COMMD1: variants seen among roughly 807,000 people sequenced by gnomAD.
The protein encoded by COMMD1 is COMM domain-containing protein 1.
In COMMD1, 10 loss-of-function variants were observed where a neutral mutation model predicts 17.2. The ratio of observed to expected loss-of-function variants is 0.58; its 90% CI spans 0.36 to 0.99. COMMD1 has a LOEUF of 0.99. Ranked by LOEUF, COMMD1 falls within the 50% of genes least tolerant of loss-of-function variation. The probability of loss-of-function intolerance (pLI) is 0.01; values close to 1 mark genes in which losing one functional copy is unlikely to be tolerated. For missense variants in COMMD1, 270 were observed against 231.8 expected, an observed-to-expected ratio of 1.17 and a Z score of -1.07; for synonymous variants, 97 against 91.6, an observed-to-expected ratio of 1.06 and a Z score of -0.34.
At chr2:62,058,094 TA>T (rs1270214105) in intron 2 of COMMD1, among the ~76,000 whole-genome samples, 1 of 152,230 alleles carries the variant, frequency 6.6e-6, no homozygotes, top group Admixed American at 6.5e-5. Context: ...AAGTTTACAA[TA>T]AATCTTTTGA....
intron 2 of COMMD1, among the ~76,000 whole-genome samples, chr2:62,036,451 G>A (rs1294412623): frequency 1.3e-5 from 2 of 152,158 alleles, no homozygotes; most frequent in Non-Finnish European, 2.9e-5. Flanking sequence ...CCAGTTTGCT[G>A]TTCTTTTTGA....
chr2:61,956,122 A>G (rs900965469), intron 1 of COMMD1, among the ~76,000 whole-genome samples: 4 of 152,242 alleles, frequency 2.6e-5, no homozygotes, highest in African/African-American at 7.2e-5. Flanking sequence ...GAAAATGTCT[A>G]GAAAGGTTCC....
chr2:61,942,082 C>A (rs989970822), intron 1 of COMMD1, among the ~76,000 whole-genome samples: 1 of 152,108 alleles, frequency 6.6e-6, no homozygotes, highest in Non-Finnish European at 1.5e-5. Flanking sequence ...TTTACATTTT[C>A]TTCAGCAAAA....
chr2:61,894,363 A>G (rs1669506307), intron 1 of COMMD1, among the ~76,000 whole-genome samples: 3 of 152,008 alleles, frequency 2.0e-5, no homozygotes, highest in African/African-American at 4.8e-5. Flanking sequence ...TGGCCTCCCA[A>G]AGTGTTGGGA....
intron 1 of COMMD1, among the ~76,000 whole-genome samples, chr2:61,968,241 G>A (rs1045681788): frequency 3.9e-5 from 6 of 152,084 alleles, no homozygotes; most frequent in Admixed American, 3.9e-4. Context: ...ATTTAGTAAG[G>A]TTGAACCATT....
intron 1 of COMMD1, among the ~76,000 whole-genome samples, chr2:61,991,098 A>G (rs1294088976): frequency 6.6e-6 from 1 of 152,072 alleles, no homozygotes; most frequent in Non-Finnish European, 1.5e-5. Context: ...TCAAAAGAAA[A>G]AAAAAAGTGA....
At chr2:62,105,434 A>G (rs1251406811) in intron 2 of COMMD1, among the ~76,000 whole-genome samples, 2 of 152,298 alleles carry the variant, frequency 1.3e-5, no homozygotes, top group East Asian at 3.9e-4. Context: ...TTAATGCTAC[A>G]TAATATGTAA....
chr2:62,027,951 C>A (rs1170851870), intron 2 of COMMD1, among the ~76,000 whole-genome samples: 1 of 152,086 alleles, frequency 6.6e-6, no homozygotes, highest in Non-Finnish European at 1.5e-5. Flanking sequence ...CCGTGCCTGG[C>A]CTTCTATGCC....
chr2:62,026,663 A>G (rs372389906), intron 2 of COMMD1, among the ~76,000 whole-genome samples: 43 of 152,110 alleles, frequency 2.8e-4, no homozygotes, highest in African/African-American at 9.9e-4. Flanking sequence ...CTTTAGGGAG[A>G]TGACATTGTC....
At chr2:61,935,618 C>A (rs1299058132) in intron 1 of COMMD1, among the ~76,000 whole-genome samples, 1 of 150,418 alleles carries the variant, frequency 6.6e-6, no homozygotes, top group Non-Finnish European at 1.5e-5. Flanking sequence ...GGCGACAGAG[C>A]AAGACTCTGT....
chr2:61,929,509 A>T (rs1163153538), intron 1 of COMMD1, among the ~76,000 whole-genome samples: 1 of 152,140 alleles, frequency 6.6e-6, no homozygotes, highest in Non-Finnish European at 1.5e-5. Context: ...CCATTATATC[A>T]TACTCTTTTG....
At chr2:61,891,710 AGAGT>A (rs374500365) in intron 1 of COMMD1, among the ~76,000 whole-genome samples, 266 of 151,896 alleles carry the variant, frequency 1.8e-3, no homozygotes, top group African/African-American at 5.6e-3. Flanking sequence ...CCTGGGCGAC[AGAGT>A]GAGACTCCAT....
chr2:61,925,189 G>T (rs1670296841), intron 1 of COMMD1, among the ~76,000 whole-genome samples: 1 of 151,668 alleles, frequency 6.6e-6, no homozygotes, highest in African/African-American at 2.4e-5. Context: ...GGGAGGGAGA[G>T]AGTGGGGGAG....
intron 1 of COMMD1, among the ~76,000 whole-genome samples, chr2:61,951,755 A>C (rs1466169025): frequency 6.6e-6 from 1 of 152,202 alleles, no homozygotes; most frequent in African/African-American, 2.4e-5. Flanking sequence ...ATCACTCCCA[A>C]AAATTTCTCC....
At chr2:61,979,312 A>C (rs1289406759) in intron 1 of COMMD1, among the ~76,000 whole-genome samples, 2 of 152,090 alleles carry the variant, frequency 1.3e-5, no homozygotes, top group African/African-American at 4.8e-5. Context: ...CCCCGTCTCT[A>C]CTAAAAATAC....
chr2:62,066,712 C>G lies in COMMD1; in HGVS notation c.462+65730C>G, dbSNP rs551275341. On this transcript the variant is annotated intron_variant, in intron 2 of 2. Coordinates refer to ENST00000311832, the MANE Select transcript of COMMD1 (RefSeq NM_152516.4). ...CACCGCGCCTGGCCTAAAGCAAGAT[C>G]AAATGTATATAGATTTTTTTTTTTG... Among the ~76,000 whole-genome samples the G allele has an allele frequency of 3.5e-5, 5 of 141,312 alleles. No homozygotes were observed. In the East Asian group the frequency reaches 1.1e-3, roughly 31 times the overall value. The allele number at this position is 141,312 out of a possible 152,430, so 92.7% of individuals were successfully genotyped here.
intron 1 of COMMD1, among the ~76,000 whole-genome samples, chr2:61,916,261 C>T (rs1385039979): frequency 2.0e-5 from 3 of 152,106 alleles, no homozygotes; most frequent in Non-Finnish European, 4.4e-5. Flanking sequence ...CACACCTGGT[C>T]TCTTCTGGCC....
intron 1 of COMMD1, among the ~76,000 whole-genome samples, chr2:61,946,437 T>G (rs1002766286): frequency 9.9e-5 from 15 of 152,190 alleles, no homozygotes; most frequent in African/African-American, 2.7e-4. Context: ...CTTGGTTCTC[T>G]TAAATAAGGA....
At chr2:62,033,977 G>T (rs1473842900) in intron 2 of COMMD1, among the ~76,000 whole-genome samples, 1 of 151,338 alleles carries the variant, frequency 6.6e-6, no homozygotes, top group African/African-American at 2.4e-5. Context: ...CAGGCTGGTG[G>T]TGTGCACCTG....
Sources: gnomAD v4.1 joint callset for allele counts (sites outside exome capture counted in the v4.1 genomes callset) on GRCh38, gnomAD v4.1.1 for gene constraint, MANE v1.5 for transcripts, NCBI Gene and HGNC (gene_info 2026-07-23, HGNC 2026-07-21) for gene names.